Variants in TMEM177 observed in about 807,000 individuals in gnomAD.
TMEM177 encodes transmembrane protein 177.
TMEM177 carries 4 observed loss-of-function variants against 14.2 expected under a neutral mutation model. The observed-to-expected ratio is 0.28, with a 90% confidence interval of 0.14 to 0.64. The LOEUF (loss-of-function observed/expected upper bound fraction) is 0.64. TMEM177 is among the 30% of genes least tolerant of loss of function. The probability of loss-of-function intolerance (pLI) is 0.82; values close to 1 mark genes in which losing one functional copy is unlikely to be tolerated. For synonymous variants in TMEM177, 179 were observed against 174.5 expected (o/e 1.03, Z -0.20); for missense variants, 344 against 405.2 (o/e 0.85, Z 1.30).
the TMEM177 span, among the ~76,000 whole-genome samples, chr2:119,704,503 C>CA: frequency 6.6e-6 from 1 of 151,934 alleles, no homozygotes; most frequent in Non-Finnish European, 1.5e-5. Flanking sequence ...GAGGCTGAGG[C>CA]AGGAGAATCG....
At chr2:119,711,722 C>T in the TMEM177 span, among the ~76,000 whole-genome samples, 1 of 152,182 alleles carries the variant, frequency 6.6e-6, no homozygotes, top group Non-Finnish European at 1.5e-5. Flanking sequence ...CCCAAGGAAG[C>T]TCGACAAGGC....
chr2:119,695,458 C>T, the TMEM177 span, among the ~76,000 whole-genome samples: 2 of 152,236 alleles, frequency 1.3e-5, no homozygotes, highest in East Asian at 1.9e-4. Context: ...ACAGGCAGGG[C>T]CTGGCCTTCC....
the TMEM177 span, among the ~76,000 whole-genome samples, chr2:119,694,612 G>GGT: frequency 2.8e-4 from 42 of 152,234 alleles, no homozygotes; most frequent in Non-Finnish European, 5.7e-4. Flanking sequence ...TTTGAAGGTA[G>GGT]GTGTGGCCAC....
the TMEM177 span, among the ~76,000 whole-genome samples, chr2:119,701,932 A>T: frequency 9.2e-5 from 14 of 152,314 alleles, no homozygotes; most frequent in South Asian, 2.9e-3. Context: ...TTACCGGTCT[A>T]GTTTCTCAGC....
chr2:119,695,569 G>A, the TMEM177 span, among the ~76,000 whole-genome samples: 4 of 152,204 alleles, frequency 2.6e-5, no homozygotes, highest in East Asian at 3.9e-4. Flanking sequence ...GGGCAGAGAG[G>A]TGGGGAGGAA....
At position 119,681,807 on chromosome 2, in the gene TMEM177, C is replaced by T; in HGVS notation, c.*18C>T. 1 of 1,601,616 alleles carries T rather than the reference C, an allele frequency of 6.2e-7. No individual in the cohort carries two copies. The highest frequency in any genetic ancestry group is 8.5e-7 in the Non-Finnish European group (1 of 1,172,174). ...GCTCCTGATGGGCTCATCACAAGGA[C>T]ACTTCCAGCTTGTGCAGACACCACC... is the stretch of plus-strand genomic sequence containing the variant. On this transcript the variant is annotated 3_prime_UTR_variant, in exon 2 of 2. Coordinates refer to ENST00000272521, the MANE Select transcript of TMEM177 (RefSeq NM_030577.3).
the TMEM177 span, among the ~76,000 whole-genome samples, chr2:119,693,584 G>C: frequency 6.3e-4 from 96 of 152,254 alleles, no homozygotes; most frequent in African/African-American, 2.0e-3. Flanking sequence ...GCTTCTCTCT[G>C]AGCTGACCCG....
chr2:119,698,223 G>A, the TMEM177 span, among the ~76,000 whole-genome samples: 4 of 152,264 alleles, frequency 2.6e-5, no homozygotes, highest in African/African-American at 9.6e-5. Flanking sequence ...CTTCTCCCGT[G>A]GTTAATCTTT....
Position 119,681,752 on chromosome 2 carries a change from A to G in TMEM177, c.899A>G (p.Gln300Arg). The change falls in exon 2 of 2, where the codon CAG becomes CGG. Residue 300 changes from glutamine (Q) to arginine (R), a missense_variant. Physicochemically the swap from Gln to Arg is conservative, Grantham distance 43 (BLOSUM62 1). Transcript: ENST00000272521. ...ACCACCCGCCGGGACTCTGTGCTGC[A>G]GATGTGGAGGGGGATGCTCAATCCG... ...PYTTRRDSVL[Q>R]MWRGMLNPGR... is the part of the protein sequence containing the mutation. The G allele has an allele frequency of 6.2e-7, 1 of 1,614,118 alleles. No individual in the cohort carries two copies. Among genetic ancestry groups the G allele is most frequent in the South Asian group, 1.1e-5 (1 of 91,080 alleles).
the TMEM177 span, among the ~76,000 whole-genome samples, chr2:119,695,537 G>A: frequency 1.3e-5 from 2 of 152,172 alleles, no homozygotes; most frequent in African/African-American, 4.8e-5. Context: ...TGAGTGGGTG[G>A]GGGATATGGG....
At chr2:119,719,408 AG>A in the TMEM177 span, among the ~76,000 whole-genome samples, 2 of 152,204 alleles carry the variant, frequency 1.3e-5, no homozygotes, top group African/African-American at 4.8e-5. Flanking sequence ...CAGGGGCTCA[AG>A]GAAAGCCACA....
At chr2:119,682,971 A>G (rs2104850012), downstream of TMEM177, among the ~76,000 whole-genome samples, 1 of 152,286 alleles carries the variant, frequency 6.6e-6, no homozygotes, top group South Asian at 2.1e-4. Context: ...AGATCCTTGG[A>G]CAGGACCACA....
chr2:119,715,197 A>G, the TMEM177 span, among the ~76,000 whole-genome samples: 1 of 152,238 alleles, frequency 6.6e-6, no homozygotes, highest in African/African-American at 2.4e-5. Context: ...AGTCTGGGCA[A>G]CAAAGTGAGA....
Position 119,681,658 on chromosome 2 carries a change from G to T in TMEM177, c.805G>T (p.Glu269Ter), listed in dbSNP as rs1274067809. 1 of 1,614,222 alleles carries T rather than the reference G, an allele frequency of 6.2e-7. No individual in the cohort carries two copies. The highest frequency in any genetic ancestry group is 8.5e-7 in the Non-Finnish European group (1 of 1,180,044). ...GCGCAGTCTCTTGGGCAAAGACGGG[G>T]AGAAGCTGTATACACCCAGCGGGAA... ...ALRSLLGKDG[E>*]KLYTPSGNIV... Residue 269 changes from glutamate (E) to a stop codon, truncating the protein, a stop_gained, in exon 2 of 2, where the codon GAG (glutamate) becomes TAG (stop). Transcript: ENST00000272521. LOFTEE classifies it high-confidence loss of function.
chr2:119,685,771 A>G (rs1689003409), downstream of TMEM177: 3 of 717,400 alleles, frequency 4.2e-6, no homozygotes, highest in South Asian at 1.5e-5. Context: ...TTCTTAAAAC[A>G]CTAAATTTAT....
chr2:119,697,632 GC>G, the TMEM177 span, among the ~76,000 whole-genome samples: 1 of 152,062 alleles, frequency 6.6e-6, no homozygotes, highest in South Asian at 2.1e-4. Flanking sequence ...AGCACTGCAG[GC>G]CCCCCTTCCC....
downstream of TMEM177, among the ~76,000 whole-genome samples, chr2:119,688,415 AACATCATAGTGT>A (rs972031044): frequency 1.7e-4 from 26 of 152,210 alleles, no homozygotes; most frequent in Non-Finnish European, 1.9e-4. Flanking sequence ...TCTTTGTGTG[AACATCATAGTGT>A]ACTTACACAA....
chr2:119,696,831 CA>C, the TMEM177 span, among the ~76,000 whole-genome samples: 3 of 145,920 alleles, frequency 2.1e-5, no homozygotes, highest in Non-Finnish European at 4.5e-5. Context: ...GTCGGGGAGG[CA>C]GGGAGAAGTG....
chr2:119,707,649 G>A, the TMEM177 span, among the ~76,000 whole-genome samples: 1 of 152,346 alleles, frequency 6.6e-6, no homozygotes, highest in Admixed American at 6.5e-5. Flanking sequence ...TCCATGGCAA[G>A]CTTGAAGGGA....
Sources: allele counts gnomAD v4.1 joint callset (sites outside exome capture counted in the v4.1 genomes callset), GRCh38; gene constraint gnomAD v4.1.1; transcripts MANE v1.5; gene names NCBI Gene and HGNC (gene_info 2026-07-23, HGNC 2026-07-21).